The following CEP350 variants were observed in gnomAD, a reference collection of about 807,000 sequenced individuals.
The protein encoded by CEP350 is centrosomal protein 350, also known as centrosome-associated protein 350.
CEP350 carries 126 observed loss-of-function variants against 331.8 expected under a neutral mutation model. That is an observed-to-expected ratio of 0.38 (90% CI 0.33 to 0.44). The LOEUF is 0.44. Ranked by LOEUF, CEP350 falls within the 20% of genes least tolerant of loss-of-function variation. The probability of loss-of-function intolerance (pLI) is 1.00; values close to 1 mark genes in which losing one functional copy is unlikely to be tolerated. For synonymous variants in CEP350, 1,200 were observed against 1,259.5 expected, an observed-to-expected ratio of 0.95 and a Z score of 1.00; for missense variants, 3,406 against 3,634.6, an observed-to-expected ratio of 0.94 and a Z score of 1.62.
At chr1:180,078,755 T>C in intron 29 of CEP350, 81 bp downstream of exon 29, 1 of 1,179,314 alleles carries the variant, frequency 8.5e-7, no homozygotes, top group Non-Finnish European at 1.2e-6. Context: ...TTATTGTAAT[T>C]AATGACAGTG....
intron 37 of CEP350, among the ~76,000 whole-genome samples, chr1:180,107,044 T>C (rs1031260802): frequency 6.6e-6 from 1 of 152,174 alleles, no homozygotes; most frequent in Non-Finnish European, 1.5e-5. Flanking sequence ...ATTTCTAAAA[T>C]TGATGTACCT....
At chr1:180,023,464 C>T (rs539700197) in intron 13 of CEP350, among the ~76,000 whole-genome samples, 59 of 152,248 alleles carry the variant, frequency 3.9e-4, no homozygotes, top group African/African-American at 1.4e-3. Context: ...CAGATAGATA[C>T]ATGACTCCAT....
At chr1:180,018,434 A>G (rs564679624) in intron 11 of CEP350, among the ~76,000 whole-genome samples, 1 of 152,314 alleles carries the variant, frequency 6.6e-6, no homozygotes, top group East Asian at 1.9e-4. Flanking sequence ...TTGGATTTTT[A>G]TTCATCAATA....
At chr1:180,035,683 A>G (rs1558117079) in intron 16 of CEP350, among the ~76,000 whole-genome samples, 1 of 152,012 alleles carries the variant, frequency 6.6e-6, no homozygotes, top group African/African-American at 2.4e-5. Flanking sequence ...AAAATAAAAG[A>G]TTTTTTTCAA....
At chr1:179,981,884 C>T (rs1652294940) in intron 1 of CEP350, among the ~76,000 whole-genome samples, 1 of 151,746 alleles carries the variant, frequency 6.6e-6, no homozygotes. Context: ...CCTGTAGTCT[C>T]AGCTACTTGG....
At chr1:180,080,852 G>A (rs1030899569) in intron 30 of CEP350, among the ~76,000 whole-genome samples, 191 bp downstream of exon 30, 3 of 151,950 alleles carry the variant, frequency 2.0e-5, no homozygotes, top group Admixed American at 2.0e-4. Context: ...GGCATATTCA[G>A]TGTATTGCTT....
chr1:179,987,626 C>T (rs544307526), intron 3 of CEP350, among the ~76,000 whole-genome samples: 2 of 151,544 alleles, frequency 1.3e-5, no homozygotes, highest in Admixed American at 6.6e-5. Flanking sequence ...AGCATCATGC[C>T]ATATAAACTA....
chr1:180,022,111 T>C (rs866564169), intron 12 of CEP350, among the ~76,000 whole-genome samples: 1 of 152,224 alleles, frequency 6.6e-6, no homozygotes, highest in Non-Finnish European at 1.5e-5. Context: ...TATTTAGGTA[T>C]TTCTTAATGG....
intron 31 of CEP350, chr1:180,087,262 T>C (rs903803516): frequency 7.8e-5 from 14 of 178,546 alleles, no homozygotes; most frequent in Non-Finnish European, 1.6e-4. Flanking sequence ...CTTTAGAGAA[T>C]ACAAAGAAGT....
chr1:180,027,624 A>G (rs2148863753), intron 14 of CEP350, among the ~76,000 whole-genome samples: 1 of 152,278 alleles, frequency 6.6e-6, no homozygotes, highest in East Asian at 1.9e-4. Flanking sequence ...GGCTCAAGCA[A>G]TCCACCTGTT....
chr1:179,959,995 C>T (rs1176613607), intron 1 of CEP350, among the ~76,000 whole-genome samples: 2 of 152,106 alleles, frequency 1.3e-5, no homozygotes, highest in East Asian at 3.9e-4. Flanking sequence ...TCTAAGACCC[C>T]AAACACCTCT....
At chr1:179,972,708 G>C (rs1651544967) in intron 1 of CEP350, among the ~76,000 whole-genome samples, 2 of 151,752 alleles carry the variant, frequency 1.3e-5, no homozygotes, top group African/African-American at 4.8e-5. Context: ...TTGTAATGAA[G>C]CTGCCAGGAG....
chr1:180,056,358 G>C (rs557764669), intron 25 of CEP350, among the ~76,000 whole-genome samples: 8 of 151,420 alleles, frequency 5.3e-5, no homozygotes, highest in African/African-American at 1.9e-4. Context: ...ATGTAGGCGT[G>C]GTTTCCTTTG....
At position 180,081,341 on chromosome 1, in the gene CEP350, C is replaced by T. The variant is rs1432559797; in HGVS notation, c.6124+680C>T. Among the ~76,000 whole-genome samples the T allele has an allele frequency of 4.6e-5, 7 of 152,144 alleles. No homozygotes were observed. The East Asian group carries it at 1.3e-3, about 29-fold the overall frequency. The stretch of plus-strand genomic sequence containing the variant: ...TGGAATTTTCCTACACCCATGTTTA[C>T]AGCTCTTCTTTCTTCTTTGAGTAAC... On this transcript the variant is annotated intron_variant, in intron 30 of 37. Coordinates refer to ENST00000367607, the MANE Select transcript of CEP350 (RefSeq NM_014810.5).
At chr1:180,090,852 A>T in intron 33 of CEP350, 56 bp downstream of exon 33, 1 of 1,365,140 alleles carries the variant, frequency 7.3e-7, no homozygotes, top group Non-Finnish European at 9.6e-7. Context: ...GGATTTATGC[A>T]AAGGCCTACA....
chr1:179,968,438 C>T (rs1296873946), intron 1 of CEP350, among the ~76,000 whole-genome samples: 1 of 151,510 alleles, frequency 6.6e-6, no homozygotes, highest in African/African-American at 2.4e-5. Context: ...GAATTGATAA[C>T]ATTCTGTGGA....
intron 27 of CEP350, among the ~76,000 whole-genome samples, chr1:180,066,797 A>G (rs1658570603): frequency 6.6e-6 from 1 of 152,232 alleles, no homozygotes; most frequent in Admixed American, 6.5e-5. Flanking sequence ...CCAGTAGCCT[A>G]TATGGGCGTA....
At chr1:179,996,211 T>G (rs1343174623) in intron 5 of CEP350, among the ~76,000 whole-genome samples, 1 of 152,226 alleles carries the variant, frequency 6.6e-6, no homozygotes, top group African/African-American at 2.4e-5. Flanking sequence ...AATCTTTAAC[T>G]TACTGGAATT....
At chr1:180,083,708 A>G (rs1571974358) in intron 30 of CEP350, among the ~76,000 whole-genome samples, 1 of 152,210 alleles carries the variant, frequency 6.6e-6, no homozygotes, top group Non-Finnish European at 1.5e-5. Context: ...AAATTTCTCA[A>G]CTTCCAGCTG....
Sources: allele counts gnomAD v4.1 joint callset (sites outside exome capture counted in the v4.1 genomes callset), GRCh38; gene constraint gnomAD v4.1.1; transcripts MANE v1.5; gene names NCBI Gene and HGNC (gene_info 2026-07-23, HGNC 2026-07-21).